The following DOCK9 variants were observed in gnomAD, a reference collection of about 807,000 sequenced individuals.
DOCK9 encodes dedicator of cytokinesis 9, also known as dedicator of cytokinesis protein 9.
A neutral mutation model predicts 263.3 loss-of-function variants in DOCK9; 89 were observed. The ratio of observed to expected loss-of-function variants is 0.34; its 90% CI spans 0.28 to 0.40. The LOEUF is 0.40. DOCK9 is among the 10% of genes least tolerant of loss of function. The pLI is 1.00. For synonymous variants in DOCK9, 976 were observed against 973.1 expected, an observed-to-expected ratio of 1.00 and a Z score of -0.06; for missense variants, 2,140 against 2,603.4, an observed-to-expected ratio of 0.82 and a Z score of 3.87.
chr13:98,850,031 A>G lies in DOCK9; in HGVS notation c.4013+16T>C, dbSNP rs1360560684. On this transcript the variant is annotated intron_variant, in intron 36 of 52. Coordinates refer to ENST00000682017, the MANE Select transcript of DOCK9 (RefSeq NM_001366683.2). ...GAAAAAATCAAGAGGCAGTGATCAAAGAGAAAGCTACTTACTCAGATATTG... is the reference window on the plus strand; with the variant it reads ...GAAAAAATCAAGAGGCAGTGATCAAGGAGAAAGCTACTTACTCAGATATTG... 1 of 1,549,758 alleles carries G rather than the reference A, an allele frequency of 6.5e-7. No individual in the cohort carries two copies. The highest frequency in any genetic ancestry group is 1.9e-5 in the Admixed American group (1 of 52,434).
chr13:98,950,684 T>C (rs1474717781), intron 2 of DOCK9, among the ~76,000 whole-genome samples: 2 of 152,210 alleles, frequency 1.3e-5, no homozygotes, highest in Non-Finnish European at 2.9e-5. Context: ...TTTTATGAAA[T>C]ATGAATGGTA....
Position 98,902,430 on chromosome 13 carries a change from G to T in DOCK9, c.1238C>A (p.Ala413Asp). 1 of 1,613,992 alleles carries T rather than the reference G, an allele frequency of 6.2e-7. No homozygotes were observed. Among genetic ancestry groups the T allele is most frequent in the Non-Finnish European group, 8.5e-7 (1 of 1,179,894 alleles). The change falls in exon 12 of 53, where the codon GCC becomes GAC. Residue 413 changes from alanine to aspartate, a missense_variant. Coordinates refer to ENST00000682017, the MANE Select transcript of DOCK9 (RefSeq NM_001366683.2). Reference protein sequence around the residue: ...FDIKYNRKISADFHVDLNHFS... With the variant: ...FDIKYNRKISDDFHVDLNHFS... ...ATGGTTCAGGTCTACGTGGAAATCGGCAGAAATCTTCCGGTTGTATTTTAT... is the reference window on the plus strand; with the variant it reads ...ATGGTTCAGGTCTACGTGGAAATCGTCAGAAATCTTCCGGTTGTATTTTAT...
chr13:98,815,490 T>A (rs1393081759), intron 45 of DOCK9, among the ~76,000 whole-genome samples: 2 of 152,198 alleles, frequency 1.3e-5, no homozygotes, highest in Admixed American at 6.5e-5. Context: ...TTGTTTGTTT[T>A]GTTTTTTTGA....
intron 30 of DOCK9, among the ~76,000 whole-genome samples, chr13:98,863,749 T>G (rs989890403): frequency 6.6e-6 from 1 of 152,226 alleles, no homozygotes; most frequent in Non-Finnish European, 1.5e-5. Flanking sequence ...CAGGAGGATC[T>G]TAAATGAAAA....
In DOCK9 at chr13:98,853,500, C is replaced by T. The variant is rs754125527; in HGVS notation, c.3854G>A (p.Gly1285Glu). 8 of 1,613,460 alleles carry T rather than the reference C, an allele frequency of 5.0e-6. No homozygotes were observed. The South Asian group carries it at 6.6e-5, about 13-fold the overall frequency. The change falls in exon 35 of 53, where the codon GGA (glycine) becomes GAA (glutamate). Residue 1285 changes from glycine to glutamate, a missense_variant. Transcript: ENST00000682017. ...LDKHQQSSTL[G>E]NSVVRCDKLD... ...TTTATCACAGCGAACCACGGAATTT[C>T]CCAATGTGCTACTTTGTTGGTGCTA...
chr13:99,036,653 T>C (rs557422555), intron 1 of DOCK9, among the ~76,000 whole-genome samples: 3 of 152,326 alleles, frequency 2.0e-5, no homozygotes, highest in South Asian at 2.1e-4. Context: ...GTGATTCTCC[T>C]GCCTCAGCCT....
intron 25 of DOCK9, 129 bp downstream of exon 25, chr13:98,881,429 G>C (rs1432706283): frequency 1.1e-5 from 8 of 703,480 alleles, no homozygotes; most frequent in Admixed American, 2.7e-5. Flanking sequence ...CATTGGCTAT[G>C]AGAAATAGAA....
chr13:98,845,675 T>TA (rs1466228244), intron 38 of DOCK9, among the ~76,000 whole-genome samples: 2 of 152,194 alleles, frequency 1.3e-5, no homozygotes, highest in Non-Finnish European at 2.9e-5. Context: ...AGTTTTGTTT[T>TA]AGGGATGCAG....
intron 9 of DOCK9, among the ~76,000 whole-genome samples, chr13:98,910,167 T>C (rs994704354): frequency 2.6e-5 from 4 of 152,200 alleles, no homozygotes; most frequent in African/African-American, 9.7e-5. Context: ...ACCTAAGATA[T>C]AAATGTAACC....
At chr13:98,862,766 C>T (rs879854679) in intron 32 of DOCK9, among the ~76,000 whole-genome samples, 1 of 151,966 alleles carries the variant, frequency 6.6e-6, no homozygotes, top group Non-Finnish European at 1.5e-5. Context: ...AGGATAGAGG[C>T]AGAGACTGGC....
intron 1 of DOCK9, among the ~76,000 whole-genome samples, chr13:99,035,492 C>T (rs7985685): frequency 0.52 from 79,494 of 152,010 alleles, 21,070 homozygotes; most frequent in South Asian, 0.68. Context: ...TTAAGTGATA[C>T]GTGCAATTTT....
intron 1 of DOCK9, among the ~76,000 whole-genome samples, chr13:99,077,807 A>G (rs921297864): frequency 2.6e-5 from 4 of 152,220 alleles, no homozygotes; most frequent in African/African-American, 7.2e-5. Flanking sequence ...TGTCCCATCA[A>G]CTGAGGTCCC....
At chr13:99,070,510 T>G (rs1035890185) in intron 1 of DOCK9, among the ~76,000 whole-genome samples, 2 of 152,260 alleles carry the variant, frequency 1.3e-5, no homozygotes, top group African/African-American at 4.8e-5. Context: ...CAAGCAGCAC[T>G]TTAAAGGGTT....
At chr13:98,856,152 A>C in intron 33 of DOCK9, 121 bp from the exon 34 acceptor site, 1 of 1,035,874 alleles carries the variant, frequency 9.7e-7, no homozygotes, top group Non-Finnish European at 1.4e-6. Context: ...AAGTTGGCTC[A>C]AGAGTTGCAT....
intron 1 of DOCK9, among the ~76,000 whole-genome samples, chr13:99,049,905 TTG>T (rs2040607843): frequency 6.6e-6 from 1 of 152,252 alleles, no homozygotes; most frequent in Non-Finnish European, 1.5e-5. Context: ...TAGGAAATGA[TTG>T]ATCTTTCCAG....
In DOCK9 at chr13:98,825,403, T is replaced by C. The variant is rs2092484030; in HGVS notation, c.5024-899A>G. ...TAGGGAGAAAGAGGAACACAGGGTATTCTGAAATCAAGCCTTGAAAACGGA... is the reference window on the plus strand; with the variant it reads ...TAGGGAGAAAGAGGAACACAGGGTACTCTGAAATCAAGCCTTGAAAACGGA... On this transcript the variant is annotated intron_variant, in intron 44 of 52. Coordinates refer to ENST00000682017, the MANE Select transcript of DOCK9 (RefSeq NM_001366683.2). This position sits in a 1 kb window ranked among gnomAD's most constrained non-coding sequence, Gnocchi z 4.1. Among the ~76,000 whole-genome samples the C allele has an allele frequency of 6.6e-6, 1 of 152,192 alleles. No homozygotes were observed. Among genetic ancestry groups the C allele is most frequent in the Admixed American group, 6.5e-5 (1 of 15,282 alleles).
At position 98,922,161 on chromosome 13, in the gene DOCK9, A is replaced by G. The variant is rs1470931758; in HGVS notation, c.487-15T>C. The G allele has an allele frequency of 6.4e-7, 1 of 1,566,530 alleles. No homozygotes were observed. Among genetic ancestry groups the G allele is most frequent in the Admixed American group, 1.8e-5 (1 of 54,614 alleles). ...GAGGCAGCATCCTAGGAGAGAAGGA[A>G]AACACCAGCAGTCAACCTCCCGTTA... On this transcript the variant is annotated splice_polypyrimidine_tract_variant and intron_variant, in intron 5 of 52. Coordinates refer to ENST00000682017, the MANE Select transcript of DOCK9 (RefSeq NM_001366683.2).
intron 1 of DOCK9, chr13:98,959,606 G>A (rs2058416633): frequency 6.6e-6 from 1 of 152,308 alleles, no homozygotes; most frequent in Non-Finnish European, 1.5e-5. Flanking sequence ...CCTTCTACAG[G>A]TGTCCTTTGA....
Position 98,948,982 on chromosome 13 carries a change from C to T in DOCK9, c.243+6453G>A, listed in dbSNP as rs77246936. ...GGACACTTGGGTTGCTTCCCGCTTT[C>T]GGCTACTGTAAATAATGCTGATCTC... On this transcript the variant is annotated intron_variant, in intron 2 of 52. Coordinates refer to ENST00000682017, the MANE Select transcript of DOCK9 (RefSeq NM_001366683.2). Among the ~76,000 whole-genome samples, 170 of 152,294 alleles carry T rather than the reference C, an allele frequency of 1.1e-3. 1 individual carries two copies. The highest frequency in any genetic ancestry group is 3.8e-3 in the African/African-American group (159 of 41,566).
Sources: gnomAD v4.1 joint callset for allele counts (sites outside exome capture counted in the v4.1 genomes callset) on GRCh38, gnomAD v4.1.1 for gene constraint, Gnocchi (gnomAD v3.1) non-coding constraint, MANE v1.5 for transcripts, NCBI Gene and HGNC (gene_info 2026-07-23, HGNC 2026-07-21) for gene names.